TRAF7: variants seen among roughly 807,000 people sequenced by gnomAD.
TRAF7 encodes the protein TNF receptor associated factor 7.
TRAF7 carries 45 observed loss-of-function variants against 89.3 expected under a neutral mutation model. The ratio of observed to expected loss-of-function variants is 0.50; its 90% CI spans 0.40 to 0.65. The LOEUF is 0.65. TRAF7 is among the 30% of genes least tolerant of loss of function. The pLI is 0.00. For missense variants in TRAF7, 677 were observed against 918.1 expected (o/e 0.74, Z 3.39); for synonymous variants, 406 against 369.2 (o/e 1.10, Z -1.14).
At chr16:2,173,148 A>AC (rs755001574) in intron 9 of TRAF7, 34 bp from the exon 10 acceptor site, 43 of 1,582,456 alleles carry the variant, frequency 2.7e-5, no homozygotes, top group Non-Finnish European at 3.7e-5. Flanking sequence ...ACCGGCAGGG[A>AC]CCCGCCAGGC....
chr16:2,172,034 G>C (rs1224382294), intron 7 of TRAF7, among the ~76,000 whole-genome samples, 157 bp from the exon 8 acceptor site: 1 of 152,144 alleles, frequency 6.6e-6, no homozygotes, highest in East Asian at 1.9e-4. Context: ...AGCACCTGCT[G>C]CTCCTTCTTG....
chr16:2,178,078 G>A lies in TRAF7; in HGVS notation c.*1504G>A, dbSNP rs2093148696. The A allele has an allele frequency of 2.0e-6, 1 of 488,222 alleles. No individual in the cohort carries two copies. Among genetic ancestry groups the A allele is most frequent in the African/African-American group, 2.0e-5 (1 of 50,064 alleles). 30.2% of individuals were successfully genotyped at this position (488,222 alleles called of 1,614,324 possible). ...TAAAGTTATACCTTTTTGTTTCTCT[G>A]GGGAAATCCGCCTCAGCTCATTCCC... On this transcript the variant is annotated 3_prime_UTR_variant, in exon 21 of 21. Coordinates refer to ENST00000326181, the MANE Select transcript of TRAF7 (RefSeq NM_032271.3).
At position 2,170,860 on chromosome 16, in the gene TRAF7, G is replaced by A. The variant is rs376478546; in HGVS notation, c.348+130G>A. ...GGGCGGCTGGGGCCTGACGGGAACT[G>A]CAGTGCTTGCTGGTCCGTGGTGGGG... On this transcript the variant is annotated intron_variant, in intron 5 of 20. Transcript: ENST00000326181. 322 of 866,568 alleles carry A rather than the reference G, an allele frequency of 3.7e-4. 2 individuals are homozygous for A. In the South Asian group the frequency reaches 5.0e-3, roughly 13 times the overall value. 53.7% of individuals were successfully genotyped at this position (866,568 alleles called of 1,614,324 possible).
chr16:2,166,951 A>G (rs2093088764), intron 3 of TRAF7, among the ~76,000 whole-genome samples: 1 of 152,180 alleles, frequency 6.6e-6, no homozygotes, highest in South Asian at 2.1e-4. Flanking sequence ...TGCCCTTTGT[A>G]GAAGCACACT....
rs747417102 is a variant in TRAF7 at position 2,168,122 on chromosome 16, C to G, written c.185C>G (p.Ser62Cys). ...AAGCAGCACTGCAGGACACCCTCCT[C>G]CTCCAGCACCCTTGCCTACTCCCCG... ...TYKQHCRTPSSSSTLAYSPRD... is the reference protein window; with the variant it reads ...TYKQHCRTPSCSSTLAYSPRD... Residue 62 changes from serine to cysteine, a missense_variant, in exon 4 of 21, where the codon TCC (serine) becomes TGC (cysteine). Physicochemically the swap from Ser to Cys is moderately radical, Grantham distance 112. This residue lies in a region of TRAF7 where 240 missense variants were observed against 191.9 expected (regional missense o/e 1.25). Transcript: ENST00000326181. This position sits in a 1 kb window ranked among gnomAD's most constrained non-coding sequence, Gnocchi z 4.1. 1.2e-6 allele frequency: 2 copies of G among 1,612,460 alleles called. No homozygotes were observed. The highest frequency in any genetic ancestry group is 2.2e-5 in the South Asian group (2 of 91,050).
Position 2,158,641 on chromosome 16 carries a change from C to CA in TRAF7, c.-39+2784dup, listed in dbSNP as rs1223593136. Among the ~76,000 whole-genome samples the CA allele has an allele frequency of 1.1e-4, 16 of 152,228 alleles. No individual in the cohort carries two copies. On this transcript the variant is annotated intron_variant, in intron 1 of 20. Coordinates refer to ENST00000326181, the MANE Select transcript of TRAF7 (RefSeq NM_032271.3). The surrounding 1 kb of genome is among the most constrained non-coding windows in gnomAD (Gnocchi z 4.7). Reference sequence around the variant, plus strand: ...CACATTCCTGTTGCCTCTTCGGGCCCATGTATGGCCAGTGTTTATGTCAGC... The same window carrying CA: ...CACATTCCTGTTGCCTCTTCGGGCCCAATGTATGGCCAGTGTTTATGTCAGC...
In TRAF7 at chr16:2,158,129, C is replaced by T. The variant is rs956005737; in HGVS notation, c.-39+2271C>T. Reference sequence around the variant, plus strand: ...CAGCATCTCCTGGATGGACACCCTGCGGGGTCAGGGAGGGCATGTGGGGAG... The same window carrying T: ...CAGCATCTCCTGGATGGACACCCTGTGGGGTCAGGGAGGGCATGTGGGGAG... On this transcript the variant is annotated intron_variant, in intron 1 of 20. Transcript: ENST00000326181. This position sits in a 1 kb window ranked among gnomAD's most constrained non-coding sequence, Gnocchi z 4.7. 2.0e-5 allele frequency among the ~76,000 whole-genome samples: 3 copies of T among 152,134 alleles called. No homozygotes were observed. Among genetic ancestry groups the T allele is most frequent in the Non-Finnish European group, 4.4e-5 (3 of 68,032 alleles).
chr16:2,156,909 G>C (rs1470999205), intron 1 of TRAF7, among the ~76,000 whole-genome samples: 1 of 152,168 alleles, frequency 6.6e-6, no homozygotes, highest in Non-Finnish European at 1.5e-5. Context: ...GTCCCCACTG[G>C]GGTCCTGCTG....
chr16:2,177,747 C>T lies in TRAF7; in HGVS notation c.*1173C>T, dbSNP rs989146956. ...CCACATTCACCAAACCCACCCGCGC[C>T]CTGGGACGCAGCCACGCCAGGAGGA... On this transcript the variant is annotated 3_prime_UTR_variant, in exon 21 of 21. Coordinates refer to ENST00000326181, the MANE Select transcript of TRAF7 (RefSeq NM_032271.3). 1 of 244,568 alleles carries T rather than the reference C, an allele frequency of 4.1e-6. No homozygotes were observed. Among genetic ancestry groups the T allele is most frequent in the East Asian group, 6.2e-5 (1 of 16,166 alleles). 15.1% of individuals were successfully genotyped at this position (244,568 alleles called of 1,614,324 possible).
chr16:2,168,042 G>A lies in TRAF7; in HGVS notation c.140-35G>A. 6.3e-7 allele frequency: 1 copy of A among 1,597,306 alleles called. No homozygotes were observed. Among genetic ancestry groups the A allele is most frequent in the Non-Finnish European group, 8.5e-7 (1 of 1,171,350 alleles). On this transcript the variant is annotated intron_variant, in intron 3 of 20. Transcript: ENST00000326181. The surrounding 1 kb of genome is among the most constrained non-coding windows in gnomAD (Gnocchi z 4.1). ...CACCTCCCCCACATCTGCTGAGGGA[G>A]CCCCCACTGAGACGCCAGCCCTCTT...
At chr16:2,172,910 G>A (rs2093119351) in intron 9 of TRAF7, among the ~76,000 whole-genome samples, 1 of 152,226 alleles carries the variant, frequency 6.6e-6, no homozygotes, top group Admixed American at 6.5e-5. Flanking sequence ...AGGGCAGGGA[G>A]GTGGGCAGGG....
rs942789564 is a variant in TRAF7 at position 2,173,540 on chromosome 16, G to A, written c.1072G>A (p.Ala358Thr). 9 of 1,613,194 alleles carry A rather than the reference G, an allele frequency of 5.6e-6. No individual in the cohort carries two copies. Among genetic ancestry groups the A allele is most frequent in the Non-Finnish European group, 5.1e-6 (6 of 1,179,814 alleles). The change falls in exon 11 of 21, where the codon GCA becomes ACA. Residue 358 changes from alanine (A) to threonine (T), a missense_variant. Ala to Thr is a moderately conservative substitution (Grantham distance 58, BLOSUM62 0). Coordinates refer to ENST00000326181, the MANE Select transcript of TRAF7 (RefSeq NM_032271.3). ...GGACCTCATGGAGTTCCGGCGGGAC[G>A]CATCCATGTTAAATGTGAGCGGGCG... is the stretch of plus-strand genomic sequence containing the variant. ...SEDLMEFRRD[A>T]SMLNDELSHI...
intron 2 of TRAF7, 122 bp downstream of exon 2, chr16:2,164,123 C>T (rs986604149): frequency 3.5e-4 from 227 of 652,432 alleles, no homozygotes; most frequent in South Asian, 8.7e-4. Flanking sequence ...CAGGGGAGCT[C>T]GGTGGGGGGG....
intron 1 of TRAF7, among the ~76,000 whole-genome samples, chr16:2,156,619 G>A (rs1002143455): frequency 6.6e-6 from 1 of 151,856 alleles, no homozygotes; most frequent in African/African-American, 2.4e-5. Context: ...AGTAGAAAGA[G>A]CCAGATGTAC....
chr16:2,163,770 C>T lies in TRAF7; in HGVS notation c.-38-113C>T. ...AGCCGGGGCTGGTGGTGGAAGGCTG[C>T]TGCGGCGGCCCCACGGTGCCCCACA... On this transcript the variant is annotated intron_variant, in intron 1 of 20. Transcript: ENST00000326181. The surrounding 1 kb of genome is among the most constrained non-coding windows in gnomAD (Gnocchi z 4.3). The T allele has an allele frequency of 1.4e-6, 1 of 711,004 alleles. No homozygotes were observed. The highest frequency in any genetic ancestry group is 2.7e-5 in the East Asian group (1 of 36,674). The allele number at this position is 711,004 out of a possible 1,614,324, so 44.0% of individuals were successfully genotyped here.
chr16:2,165,603 G>T (rs1295968961), intron 2 of TRAF7, among the ~76,000 whole-genome samples: 2 of 135,350 alleles, frequency 1.5e-5, no homozygotes, highest in Non-Finnish European at 1.6e-5. Flanking sequence ...TTAAGCGTGT[G>T]AGTGCTGTGT....
Position 2,175,119 on chromosome 16 carries a change from T to G in TRAF7, c.1355T>G (p.Leu452Arg). The change falls in exon 15 of 21, where the codon CTC becomes CGC. Residue 452 changes from leucine to arginine, a missense_variant. By Grantham distance (102) the Leu-to-Arg change is moderately radical. Around this residue, in one of 6 missense-constraint regions of TRAF7, gnomAD observed 160 missense variants for 263.7 expected, o/e 0.61. Coordinates refer to ENST00000326181, the MANE Select transcript of TRAF7 (RefSeq NM_032271.3). ...VLALCIQGCK[L>R]YSGSADCTII... ...TGTCTCTGCTTCCCCAGGTGCAAAC[T>G]CTACAGCGGCTCTGCAGACTGCACC... The G allele has an allele frequency of 1.2e-6, 2 of 1,613,816 alleles. No individual in the cohort carries two copies. The highest frequency in any genetic ancestry group is 1.7e-6 in the Non-Finnish European group (2 of 1,179,966).
chr16:2,170,582 G>A, intron 4 of TRAF7, 32 bp from the exon 5 acceptor site: 4 of 1,564,404 alleles, frequency 2.6e-6, no homozygotes, highest in Non-Finnish European at 3.5e-6. Context: ...CCCGTGCGGA[G>A]CCCCCCGACA....
In TRAF7 at chr16:2,177,980, C is replaced by G; in HGVS notation, c.*1406C>G. 1 of 386,472 alleles carries G rather than the reference C, an allele frequency of 2.6e-6. No homozygotes were observed. Among genetic ancestry groups the G allele is most frequent in the South Asian group, 2.5e-5 (1 of 40,648 alleles). The allele number at this position is 386,472 out of a possible 1,614,324, so 23.9% of individuals were successfully genotyped here. On this transcript the variant is annotated 3_prime_UTR_variant, in exon 21 of 21. Coordinates refer to ENST00000326181, the MANE Select transcript of TRAF7 (RefSeq NM_032271.3). Reference sequence around the variant, plus strand: ...CTAACAGCTTTTGTCCGGAGCTAGACTTCGTGTCCTTTCAGTTGGTAAATG... The same window carrying G: ...CTAACAGCTTTTGTCCGGAGCTAGAGTTCGTGTCCTTTCAGTTGGTAAATG...
Sources: gnomAD v4.1 joint callset for allele counts (sites outside exome capture counted in the v4.1 genomes callset) on GRCh38, gnomAD v4.1.1 for gene constraint, gnomAD v4.1.1 regional missense constraint, Gnocchi (gnomAD v3.1) non-coding constraint, MANE v1.5 for transcripts, NCBI Gene and HGNC (gene_info 2026-07-23, HGNC 2026-07-21) for gene names.